The following UBE3D variants were observed in gnomAD, a reference collection of about 807,000 sequenced individuals.
The protein encoded by UBE3D is ubiquitin protein ligase E3D.
UBE3D carries 48 observed loss-of-function variants against 49.6 expected under a neutral mutation model. That is an observed-to-expected ratio of 0.97 (90% CI 0.77 to 1.23). The LOEUF (loss-of-function observed/expected upper bound fraction) is 1.23. UBE3D is among the 50% of genes most tolerant of loss of function. The pLI is 0.00. For synonymous variants in UBE3D, 189 were observed against 174.2 expected, an observed-to-expected ratio of 1.08 and a Z score of -0.67; for missense variants, 452 against 468.4, an observed-to-expected ratio of 0.96 and a Z score of 0.32.
intron 9 of UBE3D, among the ~76,000 whole-genome samples, chr6:82,951,352 T>A (rs1775783548): frequency 6.6e-6 from 1 of 152,216 alleles, no homozygotes; most frequent in Non-Finnish European, 1.5e-5. Flanking sequence ...TGGGGCTATG[T>A]CCTTAAAAAT....
At chr6:82,984,197 CT>C (rs1778307600) in intron 8 of UBE3D, among the ~76,000 whole-genome samples, 1 of 152,116 alleles carries the variant, frequency 6.6e-6, no homozygotes, top group Non-Finnish European at 1.5e-5. Context: ...ACACTATACA[CT>C]TTCTTCTTCA....
At chr6:82,882,257 G>T in the UBE3D span, among the ~76,000 whole-genome samples, 7 of 152,176 alleles carry the variant, frequency 4.6e-5, no homozygotes, top group Non-Finnish European at 1.0e-4. Flanking sequence ...CTCTCAAGCT[G>T]TAGGGCTTTC....
In UBE3D at chr6:82,947,174, T is replaced by A. The variant is rs923191397; in HGVS notation, c.1149+10138A>T. Reference sequence around the variant, plus strand: ...TAGGCTTATATCATCCAAAATAGATTTAAAGACAAAAACTATACAAAGAGA... The same window carrying A: ...TAGGCTTATATCATCCAAAATAGATATAAAGACAAAAACTATACAAAGAGA... On this transcript the variant is annotated intron_variant, in intron 9 of 9. Coordinates refer to ENST00000369747, the MANE Select transcript of UBE3D (RefSeq NM_198920.3). Among the ~76,000 whole-genome samples the A allele has an allele frequency of 2.0e-5, 3 of 151,984 alleles. No individual in the cohort carries two copies. The East Asian group carries it at 5.8e-4, about 29-fold the overall frequency.
chr6:83,051,536 G>T (rs1408693585), intron 3 of UBE3D, among the ~76,000 whole-genome samples: 2 of 152,164 alleles, frequency 1.3e-5, no homozygotes, highest in African/African-American at 4.8e-5. Flanking sequence ...GATTTAACAT[G>T]TTCCAACTGT....
At chr6:83,003,592 G>C (rs1312430706) in intron 8 of UBE3D, among the ~76,000 whole-genome samples, 1 of 152,142 alleles carries the variant, frequency 6.6e-6, no homozygotes, top group Admixed American at 6.5e-5. Flanking sequence ...TGAACATCAT[G>C]GAGTGTACTC....
the UBE3D span, among the ~76,000 whole-genome samples, chr6:82,884,846 A>G: frequency 7.9e-5 from 12 of 152,184 alleles, no homozygotes; most frequent in African/African-American, 2.9e-4. Flanking sequence ...AGAACCAGTG[A>G]CACTGAACAA....
intron 8 of UBE3D, among the ~76,000 whole-genome samples, chr6:82,977,588 A>C (rs1777818989): frequency 6.6e-6 from 1 of 152,174 alleles, no homozygotes. Flanking sequence ...CAAATCTCCC[A>C]GCACTTTGGG....
intron 8 of UBE3D, among the ~76,000 whole-genome samples, chr6:82,985,263 A>G (rs1335930023): frequency 6.6e-6 from 1 of 151,730 alleles, no homozygotes; most frequent in Non-Finnish European, 1.5e-5. Flanking sequence ...CTACTTCTAG[A>G]TTTTGAGTCA....
At chr6:82,973,696 C>A (rs1054410341) in intron 8 of UBE3D, among the ~76,000 whole-genome samples, 3 of 152,098 alleles carry the variant, frequency 2.0e-5, no homozygotes, top group Non-Finnish European at 4.4e-5. Flanking sequence ...AAAAAAGACA[C>A]TTAAAATGTG....
chr6:82,955,043 T>C (rs1212491888), intron 9 of UBE3D, among the ~76,000 whole-genome samples: 1 of 152,190 alleles, frequency 6.6e-6, no homozygotes, highest in Non-Finnish European at 1.5e-5. Flanking sequence ...GAAAAGGGCA[T>C]TGAGTAATTA....
chr6:83,041,975 T>C (rs940260688), intron 4 of UBE3D, among the ~76,000 whole-genome samples: 7 of 152,108 alleles, frequency 4.6e-5, no homozygotes, highest in African/African-American at 1.7e-4. Flanking sequence ...AGTGGTGCAA[T>C]CTTGGCTCAC....
intron 4 of UBE3D, among the ~76,000 whole-genome samples, chr6:83,040,399 CTCTCTA>C (rs113897557): frequency 0.039 from 3,795 of 96,338 alleles, 66 homozygotes; most frequent in East Asian, 0.13. Flanking sequence ...CTCTCTCTCT[CTCTCTA>C]TATATATATA....
chr6:83,015,956 T>G (rs1210129315), intron 8 of UBE3D, among the ~76,000 whole-genome samples: 1 of 152,174 alleles, frequency 6.6e-6, no homozygotes, highest in Non-Finnish European at 1.5e-5. Context: ...CCCAGCTTCA[T>G]CAGGGTCCTC....
intron 8 of UBE3D, among the ~76,000 whole-genome samples, chr6:82,987,983 T>C (rs1451810440): frequency 1.3e-5 from 2 of 152,214 alleles, no homozygotes; most frequent in East Asian, 1.9e-4. Context: ...TACAATGTGA[T>C]ACCATTTATA....
chr6:83,003,875 A>G (rs1779795541), intron 8 of UBE3D, among the ~76,000 whole-genome samples: 1 of 152,188 alleles, frequency 6.6e-6, no homozygotes, highest in Non-Finnish European at 1.5e-5. Flanking sequence ...TGAAAGAAGT[A>G]TGTGCTTAAT....
rs749889727 is a variant in UBE3D at position 82,954,880 on chromosome 6, G to A, written c.1149+2432C>T. 8.2e-4 allele frequency among the ~76,000 whole-genome samples: 125 copies of A among 152,262 alleles called. No individual in the cohort carries two copies. The Middle Eastern group carries it at 0.01, about 12-fold the overall frequency. On this transcript the variant is annotated intron_variant, in intron 9 of 9. Transcript: ENST00000369747. ...ATGATTCCTGGTATGTTCCTTATAA[G>A]AATACATCTTTCCAGGGGTGACAGC...
At chr6:82,903,759 AAG>A (rs1170351880) in intron 9 of UBE3D, among the ~76,000 whole-genome samples, 1 of 152,190 alleles carries the variant, frequency 6.6e-6, no homozygotes, top group Non-Finnish European at 1.5e-5. Context: ...GCTGGAAATA[AAG>A]AGGGGATCGC....
chr6:83,005,813 G>C (rs937594123), intron 8 of UBE3D, among the ~76,000 whole-genome samples: 1 of 152,084 alleles, frequency 6.6e-6, no homozygotes, highest in Non-Finnish European at 1.5e-5. Flanking sequence ...CCTTTAAAAG[G>C]ATGGAAATCC....
intron 3 of UBE3D, among the ~76,000 whole-genome samples, chr6:83,049,984 C>A (rs1210432913): frequency 1.3e-5 from 2 of 152,082 alleles, no homozygotes; most frequent in African/African-American, 4.8e-5. Flanking sequence ...CATACATTCA[C>A]ACAAATTTTA....
Sources: gnomAD v4.1 joint callset for allele counts (sites outside exome capture counted in the v4.1 genomes callset) on GRCh38, gnomAD v4.1.1 for gene constraint, MANE v1.5 for transcripts, NCBI Gene and HGNC (gene_info 2026-07-23, HGNC 2026-07-21) for gene names.